Variants in MSRA observed in about 807,000 individuals in gnomAD.
The protein encoded by MSRA is methionine sulfoxide reductase A, also known as mitochondrial peptide methionine sulfoxide reductase.
A neutral mutation model predicts 31.3 loss-of-function variants in MSRA; 54 were observed. That is an observed-to-expected ratio of 1.73 (90% CI 1.39 to 2.17). The LOEUF (loss-of-function observed/expected upper bound fraction) is 2.17, where lower values mean the gene tolerates loss of function less well. Among genes scored for constraint, MSRA ranks in the 30% most tolerant of loss-of-function variants. The pLI is 0.00. For missense variants in MSRA, 507 were observed against 300.9 expected (o/e 1.69, Z -5.07); for synonymous variants, 169 against 116.5 (o/e 1.45, Z -2.90).
chr8:10,246,460 G>A (rs937525401), intron 3 of MSRA, among the ~76,000 whole-genome samples: 3 of 152,202 alleles, frequency 2.0e-5, no homozygotes, highest in Admixed American at 2.0e-4. Context: ...AATAGGGAGG[G>A]AGTATCTGGA....
intron 1 of MSRA, among the ~76,000 whole-genome samples, chr8:10,196,965 G>A (rs1808049564): frequency 6.6e-6 from 1 of 152,232 alleles, no homozygotes; most frequent in East Asian, 1.9e-4. Context: ...TGTAAAATAT[G>A]TTTTAGACTC....
intron 5 of MSRA, among the ~76,000 whole-genome samples, chr8:10,384,374 C>G (rs773587084): frequency 1.3e-5 from 2 of 152,214 alleles, no homozygotes; most frequent in Non-Finnish European, 2.9e-5. Context: ...GAGCAGATAT[C>G]GACAGACCAG....
intron 3 of MSRA, among the ~76,000 whole-genome samples, chr8:10,274,134 A>T (rs1236964617): frequency 2.0e-5 from 3 of 152,242 alleles, no homozygotes; most frequent in Non-Finnish European, 2.9e-5. Flanking sequence ...CTATTATCAC[A>T]GAGCAGAGAA....
At chr8:10,293,132 C>G (rs1295203733) in intron 3 of MSRA, among the ~76,000 whole-genome samples, 1 of 152,166 alleles carries the variant, frequency 6.6e-6, no homozygotes, top group Non-Finnish European at 1.5e-5. Context: ...GGCTGCAATG[C>G]TGACATGAGT....
chr8:10,179,655 G>A (rs918400858), intron 1 of MSRA, among the ~76,000 whole-genome samples: 12 of 152,162 alleles, frequency 7.9e-5, no homozygotes, highest in African/African-American at 2.9e-4. Context: ...ATATTAATTG[G>A]GAGCATGGGC....
At chr8:10,103,975 C>A (rs554280976) in intron 1 of MSRA, among the ~76,000 whole-genome samples, 1 of 152,168 alleles carries the variant, frequency 6.6e-6, no homozygotes, top group Non-Finnish European at 1.5e-5. Context: ...ATATATTTTA[C>A]ATGTTTAAAA....
At chr8:10,140,773 T>C (rs183331007) in intron 1 of MSRA, among the ~76,000 whole-genome samples, 2 of 152,130 alleles carry the variant, frequency 1.3e-5, no homozygotes, top group Admixed American at 1.3e-4. Context: ...CGTTCTACTT[T>C]GCTTTAAAAA....
At chr8:10,057,549 G>C (rs779410587) in intron 1 of MSRA, among the ~76,000 whole-genome samples, 11 of 152,126 alleles carry the variant, frequency 7.2e-5, no homozygotes, top group Non-Finnish European at 1.3e-4. Context: ...GTTTGGTTTT[G>C]TGTCCTCACG....
intron 5 of MSRA, among the ~76,000 whole-genome samples, chr8:10,386,647 C>T (rs779138805): frequency 2.6e-5 from 4 of 152,204 alleles, no homozygotes; most frequent in African/African-American, 4.8e-5. Context: ...AGCAGGACTG[C>T]GGTCCCAAAA....
chr8:10,097,765 G>C (rs1396854819), intron 1 of MSRA, among the ~76,000 whole-genome samples: 4 of 152,016 alleles, frequency 2.6e-5, no homozygotes, highest in Non-Finnish European at 2.9e-5. Context: ...TTTTCCAGCA[G>C]TATGATCAAA....
intron 5 of MSRA, among the ~76,000 whole-genome samples, chr8:10,359,066 A>G (rs1257040282): frequency 6.6e-6 from 1 of 152,136 alleles, no homozygotes; most frequent in African/African-American, 2.4e-5. Context: ...AAAATTGTCC[A>G]TGGATTGATA....
At chr8:10,421,806 C>A (rs560589820) in intron 5 of MSRA, among the ~76,000 whole-genome samples, 1 of 152,066 alleles carries the variant, frequency 6.6e-6, no homozygotes, top group Non-Finnish European at 1.5e-5. Flanking sequence ...GGGGCTCCAT[C>A]ACAACTTACA....
chr8:10,185,863 A>G (rs528287171), intron 1 of MSRA, among the ~76,000 whole-genome samples: 102 of 152,100 alleles, frequency 6.7e-4, no homozygotes, highest in Non-Finnish European at 1.2e-3. Flanking sequence ...GATTCTCACA[A>G]CAGCTCCATA....
At chr8:10,300,429 T>G (rs956767229) in intron 3 of MSRA, among the ~76,000 whole-genome samples, 5 of 152,110 alleles carry the variant, frequency 3.3e-5, no homozygotes, top group African/African-American at 1.2e-4. Context: ...CTAATTTTTG[T>G]CTTTTTAGTG....
intron 3 of MSRA, among the ~76,000 whole-genome samples, chr8:10,247,251 G>A (rs116885192): frequency 2.0e-4 from 30 of 152,308 alleles, no homozygotes; most frequent in Non-Finnish European, 4.0e-4. Context: ...TACAGAGGGA[G>A]TGTAGAGGCT....
intron 1 of MSRA, among the ~76,000 whole-genome samples, chr8:10,134,415 C>T (rs1311552875): frequency 2.0e-5 from 3 of 152,238 alleles, no homozygotes; most frequent in Admixed American, 6.5e-5. Flanking sequence ...GCCTGTCCTG[C>T]CCCATTAGCT....
chr8:10,382,866 C>G (rs1806157687), intron 5 of MSRA, among the ~76,000 whole-genome samples: 1 of 152,188 alleles, frequency 6.6e-6, no homozygotes, highest in African/African-American at 2.4e-5. Context: ...GGTTCCTGGT[C>G]CACCTTAGAT....
chr8:10,331,449 C>G (rs1247963022), intron 5 of MSRA, among the ~76,000 whole-genome samples: 1 of 152,178 alleles, frequency 6.6e-6, no homozygotes, highest in Non-Finnish European at 1.5e-5. Flanking sequence ...GCTGGGTAAA[C>G]TTCACAGTCA....
chr8:10,407,260 G>A (rs754928166), intron 5 of MSRA, among the ~76,000 whole-genome samples: 19 of 152,286 alleles, frequency 1.2e-4, no homozygotes, highest in Non-Finnish European at 2.6e-4. Flanking sequence ...GATGTGAAAC[G>A]CCCACGTTCT....
Sources: allele counts gnomAD v4.1 joint callset (sites outside exome capture counted in the v4.1 genomes callset), GRCh38; gene constraint gnomAD v4.1.1; transcripts MANE v1.5; gene names NCBI Gene and HGNC (gene_info 2026-07-23, HGNC 2026-07-21).